The following EPB41L3 variants were observed in gnomAD, a reference collection of about 807,000 sequenced individuals.
EPB41L3 encodes the protein erythrocyte membrane protein band 4.1 like 3.
EPB41L3 carries 57 observed loss-of-function variants against 127.1 expected under a neutral mutation model. The observed-to-expected ratio is 0.45, with a 90% CI of 0.36 to 0.56. The LOEUF is 0.56. EPB41L3 is among the 20% of genes least tolerant of loss of function. The probability of loss-of-function intolerance (pLI) is 0.00; values close to 1 mark genes in which losing one functional copy is unlikely to be tolerated. For synonymous variants in EPB41L3, 572 were observed against 549.5 expected, an observed-to-expected ratio of 1.04 and a Z score of -0.57; for missense variants, 1,273 against 1,372.2, an observed-to-expected ratio of 0.93 and a Z score of 1.14.
At chr18:5,450,124 C>G (rs1162720249) in intron 3 of EPB41L3, among the ~76,000 whole-genome samples, 5 of 151,554 alleles carry the variant, frequency 3.3e-5, no homozygotes, top group Non-Finnish European at 5.9e-5. Flanking sequence ...AAAGGCAAAA[C>G]TAAGGGAAAA....
chr18:5,574,951 G>T (rs1414927596), intron 3 of EPB41L3, among the ~76,000 whole-genome samples: 1 of 152,114 alleles, frequency 6.6e-6, no homozygotes, highest in Non-Finnish European at 1.5e-5. Context: ...AGCTCTCACA[G>T]CAATTACATC....
In EPB41L3 at chr18:5,413,937, A is replaced by G. The variant is rs560917240; in HGVS notation, c.2067+1881T>C. 1.5e-3 allele frequency among the ~76,000 whole-genome samples: 221 copies of G among 152,356 alleles called. 1 individual carries two copies. The highest frequency in any genetic ancestry group is 5.1e-3 in the African/African-American group (212 of 41,574). ...TGCCAATGTAATGCAGACATGCCCA[A>G]GTTTAACATTAATTCTCATGCACTG... On this transcript the variant is annotated intron_variant, in intron 13 of 22. Coordinates refer to ENST00000341928, the MANE Select transcript of EPB41L3 (RefSeq NM_012307.5).
At chr18:5,579,677 G>A (rs577863042) in intron 3 of EPB41L3, among the ~76,000 whole-genome samples, 4 of 152,268 alleles carry the variant, frequency 2.6e-5, no homozygotes, top group Admixed American at 2.6e-4. Flanking sequence ...TTGTCTATAG[G>A]TCATAGCCAG....
At chr18:5,616,806 G>C (rs765679496) in intron 1 of EPB41L3, among the ~76,000 whole-genome samples, 1 of 152,102 alleles carries the variant, frequency 6.6e-6, no homozygotes. Flanking sequence ...TCATGTGGTT[G>C]GTTGATAGCT....
intron 3 of EPB41L3, among the ~76,000 whole-genome samples, chr18:5,600,943 C>T (rs1399727191): frequency 6.6e-6 from 1 of 152,176 alleles, no homozygotes; most frequent in Non-Finnish European, 1.5e-5. Context: ...TTAATGCTCT[C>T]ATGCTGTAAA....
chr18:5,565,319 G>A (rs2094184249), intron 3 of EPB41L3, among the ~76,000 whole-genome samples: 2 of 152,096 alleles, frequency 1.3e-5, no homozygotes, highest in African/African-American at 2.4e-5. Context: ...GGCTGAGGCA[G>A]AAGAATCACT....
chr18:5,435,377 C>G (rs1225612021), intron 6 of EPB41L3, among the ~76,000 whole-genome samples: 1 of 152,198 alleles, frequency 6.6e-6, no homozygotes, highest in Non-Finnish European at 1.5e-5. Context: ...AACTTCCCGT[C>G]CTGCACGCGC....
chr18:5,525,784 T>A (rs1160375878), intron 1 of EPB41L3, among the ~76,000 whole-genome samples: 2 of 152,224 alleles, frequency 1.3e-5, no homozygotes, highest in Non-Finnish European at 1.5e-5. Flanking sequence ...CCATTGTTAG[T>A]GAATATCTAA....
At chr18:5,404,566 A>T (rs1041664450) in intron 16 of EPB41L3, among the ~76,000 whole-genome samples, 4 of 152,192 alleles carry the variant, frequency 2.6e-5, no homozygotes, top group Non-Finnish European at 5.9e-5. Flanking sequence ...TAAATTATTA[A>T]CATCCTTGGG....
intron 3 of EPB41L3, among the ~76,000 whole-genome samples, chr18:5,474,487 G>T (rs543842702): frequency 1.3e-5 from 2 of 152,216 alleles, no homozygotes; most frequent in Admixed American, 1.3e-4. Flanking sequence ...GTGGAGGTGT[G>T]TTGCCAGGGA....
At chr18:5,589,871 A>T (rs188024815) in intron 3 of EPB41L3, among the ~76,000 whole-genome samples, 8 of 152,246 alleles carry the variant, frequency 5.3e-5, no homozygotes, top group Non-Finnish European at 7.4e-5. Context: ...ACACACAGAG[A>T]TCCTTTGATT....
intron 3 of EPB41L3, among the ~76,000 whole-genome samples, chr18:5,449,516 A>C (rs1030453426): frequency 6.6e-6 from 1 of 152,094 alleles, no homozygotes; most frequent in African/African-American, 2.4e-5. Context: ...CCACTCAAAA[A>C]CTTGCACACA....
At chr18:5,628,535 C>G (rs1049739411) in intron 1 of EPB41L3, among the ~76,000 whole-genome samples, 2 of 152,224 alleles carry the variant, frequency 1.3e-5, no homozygotes, top group African/African-American at 4.8e-5. Flanking sequence ...CTGCGCTACC[C>G]GCCAGAGCCC....
intron 1 of EPB41L3, among the ~76,000 whole-genome samples, chr18:5,520,446 T>G (rs1186599736): frequency 6.6e-6 from 1 of 151,838 alleles, no homozygotes; most frequent in Non-Finnish European, 1.5e-5. Context: ...ACACTCTTAG[T>G]AACAATCTAT....
intron 5 of EPB41L3, among the ~76,000 whole-genome samples, chr18:5,441,178 T>C (rs930560912): frequency 4.6e-5 from 7 of 152,046 alleles, no homozygotes; most frequent in African/African-American, 1.7e-4. Context: ...AGGCATGAAG[T>C]TTTAGAATTT....
At chr18:5,428,053 C>A (rs1472058118) in intron 9 of EPB41L3, among the ~76,000 whole-genome samples, 4 of 152,124 alleles carry the variant, frequency 2.6e-5, no homozygotes, top group Non-Finnish European at 5.9e-5. Context: ...CCGCACCCGG[C>A]CGAGACTGGA....
At chr18:5,606,658 G>T (rs1423963822) in intron 3 of EPB41L3, among the ~76,000 whole-genome samples, 1 of 152,058 alleles carries the variant, frequency 6.6e-6, no homozygotes, top group Non-Finnish European at 1.5e-5. Flanking sequence ...ATAAATATTT[G>T]AGCTTTCTTC....
intron 3 of EPB41L3, among the ~76,000 whole-genome samples, chr18:5,453,870 T>C (rs770197900): frequency 1.3e-5 from 2 of 152,202 alleles, no homozygotes; most frequent in Non-Finnish European, 1.5e-5. Context: ...TCACATTATT[T>C]TGGACGAATC....
intron 3 of EPB41L3, among the ~76,000 whole-genome samples, chr18:5,559,601 G>A (rs1455932306): frequency 6.6e-6 from 1 of 152,014 alleles, no homozygotes; most frequent in African/African-American, 2.4e-5. Flanking sequence ...CTTTCTAAAC[G>A]AAAATATCTT....
Sources: allele counts gnomAD v4.1 joint callset (sites outside exome capture counted in the v4.1 genomes callset), GRCh38; gene constraint gnomAD v4.1.1; transcripts MANE v1.5; gene names NCBI Gene and HGNC (gene_info 2026-07-23, HGNC 2026-07-21).